The following UBR4 variants were observed in gnomAD, a reference collection of about 807,000 sequenced individuals.
The protein encoded by UBR4 is E3 ubiquitin-protein ligase UBR4.
A neutral mutation model predicts 575.6 loss-of-function variants in UBR4; 124 were observed. The observed-to-expected ratio is 0.22, with a 90% CI of 0.19 to 0.25. UBR4 has a LOEUF of 0.25. Among genes scored for constraint, UBR4 ranks in the 10% least tolerant of loss-of-function variants. The probability of loss-of-function intolerance (pLI) is 1.00; values close to 1 mark genes in which losing one functional copy is unlikely to be tolerated. For missense variants in UBR4, 4,818 were observed against 6,478.8 expected (o/e 0.74, Z 8.80); for synonymous variants, 2,455 against 2,473.7 (o/e 0.99, Z 0.22).
Position 19,086,785 on chromosome 1 carries a change from G to T in UBR4, c.14581C>A (p.Arg4861=), listed in dbSNP as rs186983201. 1.2e-6 allele frequency: 2 copies of T among 1,614,096 alleles called. No homozygotes were observed. Among genetic ancestry groups the T allele is most frequent in the East Asian group, 2.2e-5 (1 of 44,896 alleles). ...KVLGIYTFTK[R]VALEEMENKP... ...TTCTCCATCTCCTCCAAGGCTACCC[G>T]CTTCGTGAAGGTATAAATGCCCAGG... is the stretch of plus-strand genomic sequence containing the variant. Residue 4861 remains arginine (R), a synonymous_variant, in exon 100 of 106, where the codon CGG becomes AGG. Transcript: ENST00000375254.
chr1:19,187,630 T>G, intron 11 of UBR4, 90 bp from the exon 12 acceptor site: 1 of 1,287,046 alleles, frequency 7.8e-7, no homozygotes, highest in Non-Finnish European at 1.1e-6. Context: ...TTTTGGGGTT[T>G]CAGACCCCTT....
chr1:19,171,292 T>G (rs999844695), intron 25 of UBR4, among the ~76,000 whole-genome samples: 1 of 152,252 alleles, frequency 6.6e-6, no homozygotes, highest in African/African-American at 2.4e-5. Flanking sequence ...TGGAAAGTAC[T>G]GGCCTATTAG....
Position 19,152,263 on chromosome 1 carries a change from G to A in UBR4, c.6996+50C>T, listed in dbSNP as rs1329392674. 6 of 1,605,232 alleles carry A rather than the reference G, an allele frequency of 3.7e-6. No individual in the cohort carries two copies. In the Admixed American group the frequency reaches 5.0e-5, roughly 13 times the overall value. ...AGGAGATGTGTTCTCAAACCATATT[G>A]TTTGAGTCCTTCTACCCAGGGATTG... is the stretch of plus-strand genomic sequence containing the variant. On this transcript the variant is annotated intron_variant, in intron 47 of 105. Transcript: ENST00000375254. The surrounding 1 kb of genome is among the most constrained non-coding windows in gnomAD (Gnocchi z 4.4).
chr1:19,105,251 G>A, intron 84 of UBR4, 62 bp from the exon 85 acceptor site: 2 of 1,550,374 alleles, frequency 1.3e-6, no homozygotes, highest in Non-Finnish European at 1.7e-6. Flanking sequence ...CAGCTCCAAG[G>A]CTCCCCTTTC....
chr1:19,148,229 C>G, intron 50 of UBR4, 102 bp from the exon 51 acceptor site: 7 of 1,407,320 alleles, frequency 5.0e-6, no homozygotes, highest in Non-Finnish European at 6.6e-6. Flanking sequence ...GCCACCAGGG[C>G]TAGGTTATGC....
At chr1:19,143,690 C>A (rs1336020503) in intron 55 of UBR4, among the ~76,000 whole-genome samples, 1 of 152,208 alleles carries the variant, frequency 6.6e-6, no homozygotes, top group East Asian at 1.9e-4. Flanking sequence ...ATAAGACCCT[C>A]GCTTACCAAC....
At position 19,152,192 on chromosome 1, in the gene UBR4, C is replaced by A; in HGVS notation, c.6996+121G>T. 7.3e-7 allele frequency: 1 copy of A among 1,375,086 alleles called. No individual in the cohort carries two copies. Among genetic ancestry groups the A allele is most frequent in the Non-Finnish European group, 1.0e-6 (1 of 1,004,152 alleles). The allele number at this position is 1,375,086 out of a possible 1,614,324, so 85.2% of individuals were successfully genotyped here. A position where few individuals can be genotyped will look rare whatever the true frequency, so the allele number is the denominator to read the frequency against. ...TTTCTAAGGAACCATTTAACTAGAA[C>A]CGAGGGTTGTGACTGTGAGTATATA... is the stretch of plus-strand genomic sequence containing the variant. On this transcript the variant is annotated intron_variant, in intron 47 of 105. Transcript: ENST00000375254. The surrounding 1 kb of genome is among the most constrained non-coding windows in gnomAD (Gnocchi z 4.4).
chr1:19,171,705 C>T (rs1172037150), intron 25 of UBR4, among the ~76,000 whole-genome samples: 2 of 152,092 alleles, frequency 1.3e-5, no homozygotes, highest in African/African-American at 4.8e-5. Flanking sequence ...AAAAATTAGC[C>T]AGGCATGGTG....
At chr1:19,112,363 C>A in intron 78 of UBR4, 161 bp downstream of exon 78, 1 of 801,322 alleles carries the variant, frequency 1.2e-6, no homozygotes. Flanking sequence ...CCCAAGCTCG[C>A]TCACCTACAC....
chr1:19,077,060 A>G (rs2076015431), intron 104 of UBR4, among the ~76,000 whole-genome samples, 158 bp from the exon 105 acceptor site: 1 of 152,178 alleles, frequency 6.6e-6, no homozygotes, highest in Non-Finnish European at 1.5e-5. Flanking sequence ...TTTTGTCTCC[A>G]GGAACGACAC....
Position 19,139,058 on chromosome 1 carries a change from C to G in UBR4, c.8731+25G>C. 1 of 1,592,764 alleles carries G rather than the reference C, an allele frequency of 6.3e-7. No homozygotes were observed. Among genetic ancestry groups the G allele is most frequent in the Non-Finnish European group, 8.6e-7 (1 of 1,167,166 alleles). On this transcript the variant is annotated intron_variant, in intron 59 of 105. Transcript: ENST00000375254. This position sits in a 1 kb window ranked among gnomAD's most constrained non-coding sequence, Gnocchi z 4.2. The stretch of plus-strand genomic sequence containing the variant: ...TGTCCCCACCCTCTGCCCAAGGAGA[C>G]AGGACCCCCGCCATGGCACATTACC...
At chr1:19,187,020 C>T in intron 13 of UBR4, 144 bp downstream of exon 13, 1 of 614,752 alleles carries the variant, frequency 1.6e-6, no homozygotes, top group African/African-American at 1.9e-5. Flanking sequence ...AGTACCAAAA[C>T]TTTGGGTCTA....
At position 19,148,575 on chromosome 1, in the gene UBR4, T is replaced by G; in HGVS notation, c.7482A>C (p.Pro2494=). The G allele has an allele frequency of 6.2e-7, 1 of 1,614,208 alleles. No individual in the cohort carries two copies. The highest frequency in any genetic ancestry group is 1.3e-5 in the African/African-American group (1 of 75,046). The change falls in exon 50 of 106, where the codon CCA becomes CCC. Residue 2494 remains proline (P), a synonymous_variant. Coordinates refer to ENST00000375254, the MANE Select transcript of UBR4 (RefSeq NM_020765.3). The part of the protein sequence containing the change: ...EALESCFAVG[P]IIEKERNKNA... ...AAAAGTGACTTGCCTTCTCGATGATTGGGCCAACGGCAAAGCAGCTTTCCA... is the reference window on the plus strand; with the variant it reads ...AAAAGTGACTTGCCTTCTCGATGATGGGGCCAACGGCAAAGCAGCTTTCCA...
chr1:19,164,675 TAG>T lies in UBR4; in HGVS notation c.4511+122_4511+123del, dbSNP rs2087992569. The T allele has an allele frequency of 7.6e-6, 10 of 1,316,906 alleles. No individual in the cohort carries two copies. In the South Asian group the frequency reaches 1.3e-4, roughly 18 times the overall value. 81.6% of individuals were successfully genotyped at this position (1,316,906 alleles called of 1,614,324 possible). A position where few individuals can be genotyped will look rare whatever the true frequency, so the allele number is the denominator to read the frequency against. On this transcript the variant is annotated intron_variant, in intron 32 of 105. Coordinates refer to ENST00000375254, the MANE Select transcript of UBR4 (RefSeq NM_020765.3). ...GGAGCTACACTAGAATCCTTGAGTC[TAG>T]AGAGAGGTAGATACAAAAATGCTGA...
chr1:19,185,135 C>T lies in UBR4; in HGVS notation c.1902G>A (p.Lys634=), dbSNP rs764907651. ...CTTTGCGACTCGCCAGAATGTTGCC[C>T]TTCTCACCAGGGGCCTGCTTACTGG... The part of the protein sequence containing the change: ...KSPSKQAPGE[K]GNILASRKDP... Residue 634 remains lysine, a synonymous_variant, in exon 15 of 106, where the codon AAG becomes AAA. Coordinates refer to ENST00000375254, the MANE Select transcript of UBR4 (RefSeq NM_020765.3). 5 of 1,614,134 alleles carry T rather than the reference C, an allele frequency of 3.1e-6. No individual in the cohort carries two copies. The South Asian group carries it at 5.5e-5, about 18-fold the overall frequency.
At chr1:19,127,914 T>C (rs1042141237) in intron 62 of UBR4, among the ~76,000 whole-genome samples, 175 bp from the exon 63 acceptor site, 4 of 152,268 alleles carry the variant, frequency 2.6e-5, no homozygotes, top group Non-Finnish European at 5.9e-5. Context: ...TAGAGCCCGA[T>C]ACACTTAAGA....
chr1:19,167,982 A>G, intron 28 of UBR4, 45 bp downstream of exon 28: 1 of 1,521,478 alleles, frequency 6.6e-7, no homozygotes, highest in Non-Finnish European at 8.9e-7. Context: ...TAACCACAAT[A>G]GAATACAGAC....
intron 81 of UBR4, among the ~76,000 whole-genome samples, chr1:19,108,420 G>A (rs567020212): frequency 6.6e-6 from 1 of 151,950 alleles, no homozygotes; most frequent in Non-Finnish European, 1.5e-5. Context: ...TCCATGGAAA[G>A]GCAGCTGGTT....
intron 92 of UBR4, 79 bp downstream of exon 92, chr1:19,096,444 A>G (rs1443446334): frequency 1.9e-6 from 3 of 1,550,934 alleles, no homozygotes; most frequent in Admixed American, 1.9e-5. Context: ...AAAATGACAC[A>G]GTGGCCATAG....
Sources: gnomAD v4.1 joint callset for allele counts (sites outside exome capture counted in the v4.1 genomes callset) on GRCh38, gnomAD v4.1.1 for gene constraint, Gnocchi (gnomAD v3.1) non-coding constraint, MANE v1.5 for transcripts, NCBI Gene and HGNC (gene_info 2026-07-23, HGNC 2026-07-21) for gene names.